Variants in SHISA6 observed in about 807,000 individuals in gnomAD.
The protein encoded by SHISA6 is protein shisa-6.
In SHISA6, 22 loss-of-function variants were observed where a neutral mutation model predicts 47.9. The ratio of observed to expected loss-of-function variants is 0.46; its 90% CI spans 0.33 to 0.66. The LOEUF is 0.66. Ranked by LOEUF, SHISA6 falls within the 30% of genes least tolerant of loss-of-function variation. The probability of loss-of-function intolerance (pLI) is 0.02; values close to 1 mark genes in which losing one functional copy is unlikely to be tolerated. For synonymous variants in SHISA6, 388 were observed against 337.8 expected (o/e 1.15, Z -1.63); for missense variants, 680 against 764.6 (o/e 0.89, Z 1.30).
At chr17:11,485,511 T>A (rs1473171) in intron 3 of SHISA6, among the ~76,000 whole-genome samples, 96,380 of 151,932 alleles carry the variant, frequency 0.63, 31,359 homozygotes, top group African/African-American at 0.78. Context: ...AATCCCAGGA[T>A]ATGCTGGACA....
chr17:11,483,231 G>A lies in SHISA6; in HGVS notation c.896-68665G>A, dbSNP rs370917527. On this transcript the variant is annotated intron_variant, in intron 3 of 5. Coordinates refer to ENST00000441885, the MANE Select transcript of SHISA6 (RefSeq NM_207386.4). ...CAGGAGAATCACTTGAACTTGGGAG[G>A]CGGAGGTTGCAGTAAGCCAAGATCG... 7.2e-5 allele frequency among the ~76,000 whole-genome samples: 11 copies of A among 151,996 alleles called. No individual in the cohort carries two copies. The South Asian group carries it at 2.3e-3, about 32-fold the overall frequency.
chr17:11,333,118 G>A (rs916206599), intron 2 of SHISA6, among the ~76,000 whole-genome samples: 8 of 152,134 alleles, frequency 5.3e-5, no homozygotes, highest in African/African-American at 1.4e-4. Flanking sequence ...GTGGCTTGAG[G>A]AGCTGGGACT....
intron 2 of SHISA6, among the ~76,000 whole-genome samples, chr17:11,286,529 C>T (rs754881332): frequency 5.3e-5 from 8 of 152,112 alleles, no homozygotes; most frequent in Non-Finnish European, 1.0e-4. Context: ...CTCATTCTGC[C>T]CTTGACCCAA....
rs572108148 is a variant in SHISA6 at position 11,280,464 on chromosome 17, A to G, written c.799+16938A>G. On this transcript the variant is annotated intron_variant, in intron 2 of 5. Coordinates refer to ENST00000441885, the MANE Select transcript of SHISA6 (RefSeq NM_207386.4). ...CTGGCGAGAGAGGTTGCAATACAAC[A>G]GGTAGACTAGCATGAATTCAGGAGT... Among the ~76,000 whole-genome samples the G allele has an allele frequency of 3.3e-3, 500 of 152,354 alleles. 5 individuals are homozygous for G. The highest frequency in any genetic ancestry group is 0.012 in the African/African-American group (487 of 41,574).
chr17:11,327,640 T>TA (rs1910945029), intron 2 of SHISA6, among the ~76,000 whole-genome samples: 1 of 151,988 alleles, frequency 6.6e-6, no homozygotes, highest in Admixed American at 6.6e-5. Flanking sequence ...CCACTAAAAA[T>TA]AAAAAAATTA....
At chr17:11,523,105 C>T (rs2071644428) in intron 3 of SHISA6, among the ~76,000 whole-genome samples, 1 of 152,148 alleles carries the variant, frequency 6.6e-6, no homozygotes, top group Non-Finnish European at 1.5e-5. Context: ...TCTCTCTGAG[C>T]CTCTAAAAAA....
intron 3 of SHISA6, among the ~76,000 whole-genome samples, chr17:11,382,086 A>G (rs1392151795): frequency 1.3e-5 from 2 of 151,842 alleles, no homozygotes; most frequent in South Asian, 2.1e-4. Context: ...AGAGAGAGAG[A>G]GAGGGAGACA....
At chr17:11,549,785 C>T (rs529506616) in intron 3 of SHISA6, among the ~76,000 whole-genome samples, 10 of 152,274 alleles carry the variant, frequency 6.6e-5, no homozygotes, top group African/African-American at 1.9e-4. Flanking sequence ...TGTTTAAAAA[C>T]GAACAAATAA....
At chr17:11,546,476 C>A (rs1426094786) in intron 3 of SHISA6, among the ~76,000 whole-genome samples, 2 of 152,048 alleles carry the variant, frequency 1.3e-5, no homozygotes, top group African/African-American at 4.8e-5. Flanking sequence ...TCTGTGTCAT[C>A]AAAAGATAAG....
intron 3 of SHISA6, among the ~76,000 whole-genome samples, chr17:11,460,693 T>C (rs571682488): frequency 6.6e-6 from 1 of 152,344 alleles, no homozygotes; most frequent in African/African-American, 2.4e-5. Flanking sequence ...TGAGTTTTTA[T>C]GCATCACCCT....
intron 3 of SHISA6, among the ~76,000 whole-genome samples, chr17:11,521,623 A>G (rs1020943537): frequency 1.3e-5 from 2 of 151,294 alleles, no homozygotes; most frequent in Non-Finnish European, 2.9e-5. Flanking sequence ...AGGGCAACAT[A>G]GTGAGACCCC....
At chr17:11,341,186 C>T (rs575683480) in intron 2 of SHISA6, among the ~76,000 whole-genome samples, 50 of 152,302 alleles carry the variant, frequency 3.3e-4, no homozygotes, top group Non-Finnish European at 8.8e-5. Flanking sequence ...TCTCACGACT[C>T]ACAGTTCCAC....
chr17:11,345,535 T>C (rs1911676304), intron 2 of SHISA6, among the ~76,000 whole-genome samples: 1 of 152,148 alleles, frequency 6.6e-6, no homozygotes, highest in Non-Finnish European at 1.5e-5. Flanking sequence ...TTGATAGGGA[T>C]TGTGTAGTAG....
At chr17:11,318,083 GAC>G (rs2142193415) in intron 2 of SHISA6, among the ~76,000 whole-genome samples, 1 of 151,874 alleles carries the variant, frequency 6.6e-6, no homozygotes, top group Non-Finnish European at 1.5e-5. Context: ...ATTTCTGAAA[GAC>G]AAAAAGACAA....
chr17:11,337,474 A>AT (rs1409840602), intron 2 of SHISA6, among the ~76,000 whole-genome samples: 2 of 152,134 alleles, frequency 1.3e-5, no homozygotes, highest in Non-Finnish European at 2.9e-5. Flanking sequence ...GAGACACTTG[A>AT]TGTGGGAGGC....
At chr17:11,361,337 C>A (rs1912276582) in intron 2 of SHISA6, among the ~76,000 whole-genome samples, 1 of 152,038 alleles carries the variant, frequency 6.6e-6, no homozygotes. Flanking sequence ...TGTACTATTG[C>A]CATGCATTTT....
Position 11,241,615 on chromosome 17 carries a change from C to G in SHISA6, c.193C>G (p.Pro65Ala). Residue 65 changes from proline to alanine, a missense_variant, in exon 1 of 6, where the codon CCC becomes GCC. Pro to Ala is a conservative substitution (Grantham distance 27). This residue lies in a region of SHISA6 where 121 missense variants were observed against 90.5 expected (regional missense o/e 1.34). Coordinates refer to ENST00000441885, the MANE Select transcript of SHISA6 (RefSeq NM_207386.4). The surrounding 1 kb of genome is among the most constrained non-coding windows in gnomAD (Gnocchi z 5.5). The part of the protein sequence containing the change: ...GRELNGTARA[P>A]GIPEAGSRRG... ...CGAGCTGAACGGCACCGCCCGGGCG[C>G]CCGGAATCCCGGAGGCGGGAAGCCG... The G allele has an allele frequency of 3.0e-6, 4 of 1,317,820 alleles. No homozygotes were observed. The highest frequency in any genetic ancestry group is 3.8e-6 in the Non-Finnish European group (4 of 1,043,422). The allele number at this position is 1,317,820 out of a possible 1,614,324, so 81.6% of individuals were successfully genotyped here. A position where few individuals can be genotyped will look rare whatever the true frequency, so the allele number is the denominator to read the frequency against.
intron 2 of SHISA6, among the ~76,000 whole-genome samples, chr17:11,331,243 A>G (rs1360854985): frequency 1.3e-5 from 2 of 152,190 alleles, no homozygotes; most frequent in Non-Finnish European, 1.5e-5. Flanking sequence ...TGACTCTGTA[A>G]CTGAACATAA....
chr17:11,494,892 G>T (rs756214786), intron 3 of SHISA6, among the ~76,000 whole-genome samples: 21 of 152,120 alleles, frequency 1.4e-4, no homozygotes, highest in Non-Finnish European at 2.8e-4. Context: ...ACATCAAAAT[G>T]TCTGGAGTCG....
Sources: gnomAD v4.1 joint callset for allele counts (sites outside exome capture counted in the v4.1 genomes callset) on GRCh38, gnomAD v4.1.1 for gene constraint, gnomAD v4.1.1 regional missense constraint, Gnocchi (gnomAD v3.1) non-coding constraint, MANE v1.5 for transcripts, NCBI Gene and HGNC (gene_info 2026-07-23, HGNC 2026-07-21) for gene names.